Variants in ATF2 observed in about 807,000 individuals in gnomAD.
ATF2 encodes the protein cyclic AMP-dependent transcription factor ATF-2.
ATF2 carries 24 observed loss-of-function variants against 60.6 expected under a neutral mutation model. That is an observed-to-expected ratio of 0.40 (90% CI 0.29 to 0.56). The LOEUF is 0.56. ATF2 is among the 20% of genes least tolerant of loss of function. ATF2 has a pLI of 0.54. For missense variants in ATF2, 433 were observed against 607.7 expected, an observed-to-expected ratio of 0.71 and a Z score of 3.02; for synonymous variants, 206 against 215.4, an observed-to-expected ratio of 0.96 and a Z score of 0.38.
intron 7 of ATF2, among the ~76,000 whole-genome samples, chr2:175,117,659 T>G (rs1394441725): frequency 6.6e-6 from 1 of 152,142 alleles, no homozygotes; most frequent in South Asian, 2.1e-4. Flanking sequence ...AATAATTTTT[T>G]GAATAGATTC....
At chr2:175,146,082 G>GTAATGTAATGT (rs1698925771) in intron 2 of ATF2, among the ~76,000 whole-genome samples, 1 of 152,112 alleles carries the variant, frequency 6.6e-6, no homozygotes, top group African/African-American at 2.4e-5. Flanking sequence ...GCCACTGATA[G>GTAATGTAATGT]AATGTAATAA....
chr2:175,164,797 G>A (rs1467337836), intron 1 of ATF2, among the ~76,000 whole-genome samples: 1 of 152,202 alleles, frequency 6.6e-6, no homozygotes, highest in Non-Finnish European at 1.5e-5. Context: ...GTGTGAGTAT[G>A]AGATAAACAC....
At chr2:175,166,607 C>T (rs985373557) in intron 1 of ATF2, among the ~76,000 whole-genome samples, 25 of 152,200 alleles carry the variant, frequency 1.6e-4, no homozygotes, top group African/African-American at 5.8e-4. Context: ...CTTTAAGACA[C>T]TTAAACCTGT....
intron 4 of ATF2, among the ~76,000 whole-genome samples, chr2:175,129,264 A>G (rs1697564550): frequency 6.6e-6 from 1 of 152,152 alleles, no homozygotes; most frequent in African/African-American, 2.4e-5. Flanking sequence ...ATGCAAACAA[A>G]TCTACAGTAA....
At chr2:175,097,738 A>G (rs554451389) in intron 10 of ATF2, 145 bp from the exon 11 acceptor site, 1 of 864,126 alleles carries the variant, frequency 1.2e-6, no homozygotes, top group East Asian at 2.8e-5. Flanking sequence ...TGCTGTTCCT[A>G]GTGAATTTTG....
chr2:175,156,766 A>C (rs766346193), intron 1 of ATF2, among the ~76,000 whole-genome samples: 11 of 152,240 alleles, frequency 7.2e-5, no homozygotes, highest in Non-Finnish European at 1.2e-4. Flanking sequence ...TGGCTTTGTA[A>C]GTCCCTAAGC....
chr2:175,132,514 T>A (rs1312179954), intron 3 of ATF2, among the ~76,000 whole-genome samples: 1 of 152,216 alleles, frequency 6.6e-6, no homozygotes, highest in Non-Finnish European at 1.5e-5. Flanking sequence ...ATTTCTTAAA[T>A]AAATCCTCCC....
At chr2:175,141,646 C>T (rs959837113) in intron 2 of ATF2, among the ~76,000 whole-genome samples, 3 of 151,994 alleles carry the variant, frequency 2.0e-5, no homozygotes, top group Admixed American at 6.6e-5. Context: ...GAGCCCGCCA[C>T]CATGCCCGGC....
chr2:175,152,464 A>G (rs1488803925), intron 1 of ATF2, among the ~76,000 whole-genome samples: 1 of 152,182 alleles, frequency 6.6e-6, no homozygotes, highest in East Asian at 1.9e-4. Context: ...GAGAATGAGT[A>G]AGAACCTGGC....
In ATF2 at chr2:175,075,079, A is replaced by G. The variant is rs999741115; in HGVS notation, c.1292-244T>C. 5 of 1,338,206 alleles carry G rather than the reference A, an allele frequency of 3.7e-6. No homozygotes were observed. In the East Asian group the frequency reaches 1.3e-4, roughly 34 times the overall value. 82.9% of individuals were successfully genotyped at this position (1,338,206 alleles called of 1,614,324 possible). On this transcript the variant is annotated intron_variant, in intron 13 of 13. Transcript: ENST00000264110. ...ACTGCCTTATGGAATAGAGCTGAAG[A>G]AATATTTGCTAAATAGTGTTAAAGA...
chr2:175,114,047 C>T lies in ATF2; in HGVS notation c.688G>A (p.Ala230Thr). 1 of 1,613,018 alleles carries T rather than the reference C, an allele frequency of 6.2e-7. No individual in the cohort carries two copies. The highest frequency in any genetic ancestry group is 1.3e-5 in the African/African-American group (1 of 74,902). Residue 230 changes from alanine (A) to threonine (T), a missense_variant, in exon 9 of 14, where the codon GCT becomes ACT. Physicochemically the swap from Ala to Thr is moderately conservative, Grantham distance 58. Coordinates refer to ENST00000264110, the MANE Select transcript of ATF2 (RefSeq NM_001880.4). ...HLPNGQTMPV[A>T]IPASITSSNV... The stretch of plus-strand genomic sequence containing the variant: ...GAACTTGTAATTGATGCAGGAATAG[C>T]AACAGGCATGGTTTGTCCATTAGGA...
In ATF2 at chr2:175,074,630, C is replaced by T; in HGVS notation, c.1497G>A (p.Gln499=). The change falls in exon 14 of 14, where the codon CAG becomes CAA. Residue 499 remains glutamine, a synonymous_variant. Transcript: ENST00000264110. ...LSQIVMAPSS[Q]SQPSGS The stretch of plus-strand genomic sequence containing the variant: ...TTAATCAACTTCCTGAGGGCTGTGA[C>T]TGGGAGGAAGGAGCCATAACGATCT... 6.2e-7 allele frequency: 1 copy of T among 1,612,616 alleles called. No homozygotes were observed. The highest frequency in any genetic ancestry group is 8.5e-7 in the Non-Finnish European group (1 of 1,179,368).
chr2:175,164,069 T>C (rs938871536), intron 1 of ATF2, among the ~76,000 whole-genome samples: 1 of 149,480 alleles, frequency 6.7e-6, no homozygotes. Context: ...TGTGTAAAAA[T>C]AGGCCCGGGT....
chr2:175,141,641 C>T (rs199818302), intron 2 of ATF2, among the ~76,000 whole-genome samples: 5 of 151,782 alleles, frequency 3.3e-5, no homozygotes, highest in South Asian at 2.1e-4. Flanking sequence ...TACAGGAGCC[C>T]GCCACCATGC....
At chr2:175,158,591 A>G (rs559783096) in intron 1 of ATF2, among the ~76,000 whole-genome samples, 2 of 152,250 alleles carry the variant, frequency 1.3e-5, no homozygotes, top group African/African-American at 4.8e-5. Flanking sequence ...TCTGGGGGGA[A>G]CACTGGAAAC....
rs374134357 is a variant in ATF2 at position 175,161,000 on chromosome 2, T to C, written c.-143+7050A>G. On this transcript the variant is annotated intron_variant, in intron 1 of 13. Coordinates refer to ENST00000264110, the MANE Select transcript of ATF2 (RefSeq NM_001880.4). ...CCGCAGTGAGACTTAGTCGCATCAC[T>C]GCACTCCAACCTGCATGACAGAGTA... Among the ~76,000 whole-genome samples, 50 of 152,288 alleles carry C rather than the reference T, an allele frequency of 3.3e-4. 1 individual carries two copies. The highest frequency in any genetic ancestry group is 1.1e-3 in the African/African-American group (47 of 41,558).
intron 10 of ATF2, among the ~76,000 whole-genome samples, chr2:175,101,022 C>T (rs768411632): frequency 2.6e-5 from 4 of 152,078 alleles, no homozygotes; most frequent in Non-Finnish European, 4.4e-5. Context: ...TTTACAGCAC[C>T]GGGGAACAAG....
chr2:175,135,801 A>G lies in ATF2; in HGVS notation c.32+611T>C, dbSNP rs10930695. 1.8e-3 allele frequency among the ~76,000 whole-genome samples: 269 copies of G among 152,242 alleles called. 2 individuals carry two copies. The highest frequency in any genetic ancestry group is 5.8e-3 in the African/African-American group (240 of 41,568). ...TCTCAATTAATTATCCCATCCATCA[A>G]CTTGTTTTCTTTCTAGAAATTCTAT... On this transcript the variant is annotated intron_variant, in intron 3 of 13. Transcript: ENST00000264110.
At chr2:175,077,546 A>C (rs371044782) in intron 13 of ATF2, among the ~76,000 whole-genome samples, 1 of 152,204 alleles carries the variant, frequency 6.6e-6, no homozygotes, top group African/African-American at 2.4e-5. Context: ...CTGAATGTTG[A>C]GTTCAAGGGA....
Sources: gnomAD v4.1 joint callset for allele counts (sites outside exome capture counted in the v4.1 genomes callset) on GRCh38, gnomAD v4.1.1 for gene constraint, MANE v1.5 for transcripts, NCBI Gene and HGNC (gene_info 2026-07-23, HGNC 2026-07-21) for gene names.